LRRC37B: variants seen among roughly 807,000 people sequenced by gnomAD.
The protein encoded by LRRC37B is leucine rich repeat containing 37B.
LRRC37B carries 28 observed loss-of-function variants against 98.3 expected under a neutral mutation model. The observed-to-expected ratio is 0.28, with a 90% CI of 0.21 to 0.39. The LOEUF (loss-of-function observed/expected upper bound fraction) is 0.39. LRRC37B is among the 10% of genes least tolerant of loss of function. The pLI is 1.00. For synonymous variants in LRRC37B, 364 were observed against 442.7 expected (o/e 0.82, Z 2.23); for missense variants, 938 against 1,182.7 (o/e 0.79, Z 3.03).
intron 3 of LRRC37B, among the ~76,000 whole-genome samples, chr17:32,030,315 C>T (rs902931747): frequency 3.3e-5 from 5 of 151,812 alleles, no homozygotes; most frequent in East Asian, 3.8e-4. Context: ...TGAGGCTATT[C>T]GTTTTAATAT....
At chr17:32,046,402 T>G (rs1371333897) in intron 8 of LRRC37B, among the ~76,000 whole-genome samples, 1 of 152,218 alleles carries the variant, frequency 6.6e-6, no homozygotes, top group African/African-American at 2.4e-5. Context: ...CTCAAACCTT[T>G]CTATTCGCAG....
At position 32,021,301 on chromosome 17, in the gene LRRC37B, C is replaced by T. The variant is rs756146975; in HGVS notation, c.236C>T (p.Ser79Phe). Residue 79 changes from serine (S) to phenylalanine (F), a missense_variant, in exon 1 of 12, where the codon TCC becomes TTC. Ser to Phe is a radical substitution (Grantham distance 155, BLOSUM62 -2). Transcript: ENST00000327564. Reference sequence around the variant, plus strand: ...CCACCTGAGCCCTGGTCTTCCCGCTCCTCCCATCTCCCATGGGAATCTCCC... The same window carrying T: ...CCACCTGAGCCCTGGTCTTCCCGCTTCTCCCATCTCCCATGGGAATCTCCC... The T allele has an allele frequency of 9.3e-6, 15 of 1,613,552 alleles. No individual in the cohort carries two copies. In the South Asian group the frequency reaches 1.3e-4, roughly 14 times the overall value.
intron 1 of LRRC37B, among the ~76,000 whole-genome samples, chr17:32,008,625 C>T (rs1910463754): frequency 6.6e-6 from 1 of 152,164 alleles, no homozygotes; most frequent in Admixed American, 6.5e-5. Flanking sequence ...GGCACACAGA[C>T]ACACAGAAAA....
At chr17:32,008,131 A>G (rs1439220118) in exon 1 of LRRC37B, 2 of 363,104 alleles carry the variant, frequency 5.5e-6, no homozygotes. Flanking sequence ...GCAGCACTCC[A>G]GGTACCCACC....
intron 9 of LRRC37B, among the ~76,000 whole-genome samples, chr17:32,048,717 A>C (rs1470885563): frequency 2.0e-5 from 3 of 152,234 alleles, no homozygotes; most frequent in Non-Finnish European, 4.4e-5. Context: ...AAGGGCAGTT[A>C]TCTCAACAGA....
chr17:32,026,672 A>C (rs866363186), intron 2 of LRRC37B, among the ~76,000 whole-genome samples: 1 of 152,166 alleles, frequency 6.6e-6, no homozygotes. Flanking sequence ...CAGGTGATTC[A>C]TGTGCCTTGG....
At position 32,033,477 on chromosome 17, in the gene LRRC37B, C is replaced by T. The variant is rs562591599; in HGVS notation, c.2058-1433C>T. Among the ~76,000 whole-genome samples, 26 of 152,258 alleles carry T rather than the reference C, an allele frequency of 1.7e-4. 1 individual carries two copies. Among genetic ancestry groups the T allele is most frequent in the African/African-American group, 5.3e-4 (22 of 41,542 alleles). The stretch of plus-strand genomic sequence containing the variant: ...CTTTTTTCTTCATACAGAGTAAGCA[C>T]GTGAGTTCAGATTACAGCTTTGCTT... On this transcript the variant is annotated intron_variant, in intron 5 of 11. Coordinates refer to ENST00000327564, the Ensembl canonical transcript of LRRC37B.
chr17:32,046,620 C>A (rs1911591699), intron 8 of LRRC37B, among the ~76,000 whole-genome samples: 3 of 123,094 alleles, frequency 2.4e-5, no homozygotes, highest in Non-Finnish European at 3.3e-5. Flanking sequence ...TTTTTTTTAC[C>A]AATTATATTC....
rs141908834 is a variant in LRRC37B, at chr17:32,049,214, A to C, written c.2577A>C (p.Glu859Asp). Residue 859 changes from glutamate to aspartate, a missense_variant, in exon 10 of 12, where the codon GAA (glutamate) becomes GAC (aspartate). Glu to Asp is a conservative substitution (Grantham distance 45). This residue lies in a region of LRRC37B where 328 missense variants were observed against 557.0 expected (regional missense o/e 0.59). Transcript: ENST00000327564. ...GGACCTTGAAAATGGAATGTTCAGA[A>C]ACACATGTGCAAGGGAGCTGTGCCA... 169 of 1,614,118 alleles carry C rather than the reference A, an allele frequency of 1.0e-4. 2 individuals are homozygous for C. The African/African-American group carries it at 1.7e-3, about 17-fold the overall frequency.
chr17:32,031,402 A>G (rs145531116), exon 5 of LRRC37B: 24 of 1,610,974 alleles, frequency 1.5e-5, no homozygotes, highest in Non-Finnish European at 1.7e-5. Context: ...ATTTAATTAC[A>G]AAACTGAGCC....
chr17:32,017,594 TAGGA>T (rs1306669965), upstream of LRRC37B, among the ~76,000 whole-genome samples: 9 of 152,076 alleles, frequency 5.9e-5, no homozygotes, highest in Non-Finnish European at 8.8e-5. Flanking sequence ...CACTTCAAGC[TAGGA>T]GTTCGAGACC....
chr17:32,047,981 T>C, intron 9 of LRRC37B, 80 bp downstream of exon 12: 1 of 1,610,774 alleles, frequency 6.2e-7, no homozygotes, highest in African/African-American at 1.3e-5. Flanking sequence ...CACTGGGAAA[T>C]CTAGGTGCAG....
chr17:32,026,530 G>A (rs1262786359), intron 2 of LRRC37B, among the ~76,000 whole-genome samples: 1 of 152,200 alleles, frequency 6.6e-6, no homozygotes, highest in Non-Finnish European at 1.5e-5. Flanking sequence ...CCGGGTTCAA[G>A]GGATTCTCCT....
chr17:32,022,202 G>A (rs775045216), exon 1 of LRRC37B: 1 of 1,613,876 alleles, frequency 6.2e-7, no homozygotes, highest in South Asian at 1.1e-5. Context: ...AGGTTACCAT[G>A]ACTTCAGAGC....
intron 1 of LRRC37B, among the ~76,000 whole-genome samples, chr17:32,011,925 G>A (rs1234309618): frequency 6.6e-6 from 1 of 151,992 alleles, no homozygotes; most frequent in Non-Finnish European, 1.5e-5. Flanking sequence ...GTTTTAAAAC[G>A]TATTGTTTAA....
chr17:32,021,436 T>A, exon 1 of LRRC37B: 2 of 1,613,968 alleles, frequency 1.2e-6, no homozygotes, highest in Non-Finnish European at 1.7e-6. Context: ...TTGGCTCCAT[T>A]CCTGAAGGAA....
At chr17:32,009,531 C>G (rs1910481815) in intron 1 of LRRC37B, among the ~76,000 whole-genome samples, 1 of 152,148 alleles carries the variant, frequency 6.6e-6, no homozygotes, top group Admixed American at 6.5e-5. Flanking sequence ...CCTCGGCCTC[C>G]CAAAGTGCTG....
intron 1 of LRRC37B, among the ~76,000 whole-genome samples, chr17:32,023,628 ATTG>A (rs1337098690): frequency 9.2e-5 from 14 of 152,110 alleles, no homozygotes; most frequent in Admixed American, 7.9e-4. Context: ...ATTTCATAGG[ATTG>A]TTGTGAAATT....
intron 7 of LRRC37B, chr17:32,041,671 A>G (rs1167178017): frequency 2.2e-6 from 1 of 458,944 alleles, no homozygotes; most frequent in Non-Finnish European, 4.4e-6. Context: ...GTACTCCCTC[A>G]GCAGGGAGCC....
Sources: gnomAD v4.1 joint callset for allele counts (sites outside exome capture counted in the v4.1 genomes callset) on GRCh38, gnomAD v4.1.1 for gene constraint, gnomAD v4.1.1 regional missense constraint, MANE v1.5 for transcripts, NCBI Gene and HGNC (gene_info 2026-07-23, HGNC 2026-07-21) for gene names.